ESRRG: variants seen among roughly 807,000 people sequenced by gnomAD.
ESRRG encodes the protein estrogen related receptor gamma.
Under a neutral mutation model 44.0 loss-of-function variants are expected in ESRRG, and 13 were observed. The observed-to-expected ratio is 0.30, with a 90% CI of 0.19 to 0.47. ESRRG has a LOEUF of 0.47. ESRRG is among the 20% of genes least tolerant of loss of function. The pLI, the probability that ESRRG is intolerant of heterozygous loss-of-function variation, is 1.00. For synonymous variants in ESRRG, 215 were observed against 214.6 expected (o/e 1.00, Z -0.02); for missense variants, 395 against 580.6 (o/e 0.68, Z 3.29).
At chr1:216,817,710 A>T (rs1238169231) in intron 2 of ESRRG, among the ~76,000 whole-genome samples, 2 of 152,248 alleles carry the variant, frequency 1.3e-5, no homozygotes, top group Non-Finnish European at 2.9e-5. Context: ...GTATGAAAAA[A>T]GTAATAAATT....
Position 216,990,888 on chromosome 1 carries a change from TTGTAC to T in ESRRG, c.-105-51220_-105-51216del, listed in dbSNP as rs1341340110. 6.6e-5 allele frequency among the ~76,000 whole-genome samples: 10 copies of T among 152,240 alleles called. No homozygotes were observed. The South Asian group carries it at 1.9e-3, about 28-fold the overall frequency. The stretch of plus-strand genomic sequence containing the variant: ...CAACTCTGCATTGTTCTAGGGTCAA[TTGTAC>T]TGTATTGCTATTTCCTGTGGTCCTA... On this transcript the variant is annotated intron_variant, in intron 1 of 7. Transcript: ENST00000359162.
intron 1 of ESRRG, among the ~76,000 whole-genome samples, chr1:217,084,810 C>T (rs1480977076): frequency 6.6e-6 from 1 of 151,984 alleles, no homozygotes; most frequent in Non-Finnish European, 1.5e-5. Flanking sequence ...TGCATGTTAC[C>T]ACAGGTACTC....
Position 216,616,198 on chromosome 1 carries a change from C to T in ESRRG, c.589+34775G>A, listed in dbSNP as rs554781704. ...CCTGGCTGTCACTACTGTGTGCCCA[C>T]AGAGACTTGGAAAGTAACTACCTCA... On this transcript the variant is annotated intron_variant, in intron 3 of 6. Transcript: ENST00000408911. Among the ~76,000 whole-genome samples, 603 of 152,250 alleles carry T rather than the reference C, an allele frequency of 4.0e-3. 8 individuals are homozygous for T. The highest frequency in any genetic ancestry group is 0.013 in the African/African-American group (560 of 41,548).
intron 2 of ESRRG, among the ~76,000 whole-genome samples, chr1:216,781,081 C>T (rs1285897462): frequency 1.3e-5 from 2 of 151,986 alleles, no homozygotes; most frequent in African/African-American, 4.8e-5. Context: ...CAATGTCAAT[C>T]TCTTATCCAA....
At chr1:216,968,858 A>G (rs1310902178) in intron 1 of ESRRG, among the ~76,000 whole-genome samples, 1 of 152,134 alleles carries the variant, frequency 6.6e-6, no homozygotes, top group Admixed American at 6.6e-5. Context: ...TGAACATGGA[A>G]TATCTCCATT....
intron 1 of ESRRG, among the ~76,000 whole-genome samples, chr1:216,998,258 A>C (rs1307640660): frequency 6.6e-6 from 1 of 152,228 alleles, no homozygotes; most frequent in Admixed American, 6.5e-5. Flanking sequence ...TTTATCTGAA[A>C]ATAGATATTA....
intron 2 of ESRRG, among the ~76,000 whole-genome samples, chr1:216,667,135 G>A (rs1400890775): frequency 6.6e-6 from 1 of 152,160 alleles, no homozygotes; most frequent in Non-Finnish European, 1.5e-5. Context: ...TTCCATCCAC[G>A]CTACTCCGTC....
At chr1:216,616,611 A>C (rs1358976412) in intron 3 of ESRRG, among the ~76,000 whole-genome samples, 1 of 152,070 alleles carries the variant, frequency 6.6e-6, no homozygotes, top group Admixed American at 6.6e-5. Context: ...TACATCCTTT[A>C]CTTTTTGTGA....
At chr1:216,530,442 C>T (rs2049033174) in intron 5 of ESRRG, among the ~76,000 whole-genome samples, 2 of 152,084 alleles carry the variant, frequency 1.3e-5, no homozygotes, top group Non-Finnish European at 2.9e-5. Flanking sequence ...GGTGAAAGTT[C>T]AAAGTTTTTC....
At chr1:216,964,871 T>C (rs900871926) in intron 1 of ESRRG, among the ~76,000 whole-genome samples, 1 of 152,180 alleles carries the variant, frequency 6.6e-6, no homozygotes, top group African/African-American at 2.4e-5. Flanking sequence ...AAAGAGGCCA[T>C]GAATCTTCAT....
In ESRRG at chr1:216,850,832, T is replaced by C. The variant is rs17651280; in HGVS notation, c.-14+88750A>G. Among the ~76,000 whole-genome samples, 1,058 of 152,056 alleles carry C rather than the reference T, an allele frequency of 7.0e-3. 4 individuals carry two copies. Among genetic ancestry groups the C allele is most frequent in the Non-Finnish European group, 9.6e-3 (649 of 67,958 alleles). On this transcript the variant is annotated intron_variant, in intron 2 of 7. Transcript: ENST00000359162. ...CTATTGATGAATCATTTACCAAGAA[T>C]GAACGGGACAAAAGATCTATGGAAA... is the stretch of plus-strand genomic sequence containing the variant.
chr1:216,976,576 C>A (rs945152271), intron 1 of ESRRG, among the ~76,000 whole-genome samples: 4 of 152,122 alleles, frequency 2.6e-5, no homozygotes, highest in Non-Finnish European at 2.9e-5. Context: ...AAGCGATATC[C>A]TTCAATGCTA....
At chr1:216,661,393 G>A (rs1033623370) in intron 2 of ESRRG, among the ~76,000 whole-genome samples, 4 of 152,120 alleles carry the variant, frequency 2.6e-5, no homozygotes, top group African/African-American at 9.7e-5. Context: ...CAACCTTGAT[G>A]CAAGTCTGCT....
At chr1:217,100,508 A>T (rs2151566497) in intron 1 of ESRRG, among the ~76,000 whole-genome samples, 1 of 152,240 alleles carries the variant, frequency 6.6e-6, no homozygotes, top group Non-Finnish European at 1.5e-5. Flanking sequence ...TGGAGGCTAA[A>T]CCTTATCCTG....
chr1:216,562,248 C>A (rs2149517532), intron 5 of ESRRG, among the ~76,000 whole-genome samples: 1 of 152,248 alleles, frequency 6.6e-6, no homozygotes, highest in East Asian at 1.9e-4. Flanking sequence ...CACAGCTTTT[C>A]ACGCTGTTGT....
At chr1:217,043,940 A>C (rs1300189078) in intron 1 of ESRRG, among the ~76,000 whole-genome samples, 3 of 152,046 alleles carry the variant, frequency 2.0e-5, no homozygotes, top group African/African-American at 4.8e-5. Flanking sequence ...GAAAAAAAAA[A>C]CTGCCAGATT....
At chr1:217,052,080 T>G (rs568401280) in intron 1 of ESRRG, among the ~76,000 whole-genome samples, 1 of 152,302 alleles carries the variant, frequency 6.6e-6, no homozygotes, top group African/African-American at 2.4e-5. Context: ...CTATTTCCCA[T>G]TTATAAAATA....
chr1:216,690,505 G>C (rs1356918515), intron 1 of ESRRG, among the ~76,000 whole-genome samples: 6 of 152,106 alleles, frequency 3.9e-5, no homozygotes, highest in Non-Finnish European at 8.8e-5. Context: ...ATTGCCTAGA[G>C]AGGAACATAG....
chr1:216,554,564 A>G (rs939105493), intron 5 of ESRRG, among the ~76,000 whole-genome samples: 1 of 152,104 alleles, frequency 6.6e-6, no homozygotes, highest in African/African-American at 2.4e-5. Flanking sequence ...AGAGCCCAGT[A>G]GTTCCAGGTT....
Sources: gnomAD v4.1 joint callset for allele counts (sites outside exome capture counted in the v4.1 genomes callset) on GRCh38, gnomAD v4.1.1 for gene constraint, MANE v1.5 for transcripts, NCBI Gene and HGNC (gene_info 2026-07-23, HGNC 2026-07-21) for gene names.